The following CDKAL1 variants were observed in gnomAD, a reference collection of about 807,000 sequenced individuals.
CDKAL1 encodes CDKAL1 threonylcarbamoyladenosine tRNA methylthiotransferase, also known as threonylcarbamoyladenosine tRNA methylthiotransferase.
A neutral mutation model predicts 68.2 loss-of-function variants in CDKAL1; 32 were observed. That is an observed-to-expected ratio of 0.47 (90% confidence interval 0.35 to 0.63). The LOEUF is 0.63. Among genes scored for constraint, CDKAL1 ranks in the 30% least tolerant of loss-of-function variants. The probability of loss-of-function intolerance (pLI) is 0.00; values close to 1 mark genes in which losing one functional copy is unlikely to be tolerated. For synonymous variants in CDKAL1, 234 were observed against 244.3 expected, an observed-to-expected ratio of 0.96 and a Z score of 0.39; for missense variants, 606 against 696.7, an observed-to-expected ratio of 0.87 and a Z score of 1.47.
intron 4 of CDKAL1, among the ~76,000 whole-genome samples, chr6:20,621,515 C>G (rs1767189474): frequency 6.6e-6 from 1 of 152,004 alleles, no homozygotes; most frequent in Admixed American, 6.6e-5. Context: ...TGTGCTCCCC[C>G]TTTTTTAGAG....
chr6:21,228,748 T>G (rs1779846549), intron 15 of CDKAL1, among the ~76,000 whole-genome samples: 1 of 152,188 alleles, frequency 6.6e-6, no homozygotes, highest in Non-Finnish European at 1.5e-5. Context: ...ATAGTTCCTA[T>G]CAATCAATTC....
chr6:20,715,156 G>C (rs1223443797), intron 5 of CDKAL1, among the ~76,000 whole-genome samples: 2 of 152,006 alleles, frequency 1.3e-5, no homozygotes, highest in African/African-American at 2.4e-5. Flanking sequence ...CTTTCAACTT[G>C]TTCATCCTGT....
intron 9 of CDKAL1, among the ~76,000 whole-genome samples, chr6:20,933,009 T>G (rs748984954): frequency 4.3e-4 from 66 of 152,250 alleles, no homozygotes; most frequent in Non-Finnish European, 7.6e-4. Flanking sequence ...AGACATTGAG[T>G]TAATCAATGA....
chr6:21,032,676 T>C (rs1344445540), intron 11 of CDKAL1, among the ~76,000 whole-genome samples: 3 of 152,164 alleles, frequency 2.0e-5, no homozygotes, highest in South Asian at 2.1e-4. Context: ...ATACTTACCA[T>C]TGCATTTCAG....
chr6:20,556,632 G>A (rs940993773), intron 4 of CDKAL1, among the ~76,000 whole-genome samples: 2 of 152,072 alleles, frequency 1.3e-5, no homozygotes, highest in Admixed American at 6.5e-5. Flanking sequence ...CATTTATATA[G>A]TGTCTTACAG....
chr6:20,698,935 C>G (rs529454849), intron 5 of CDKAL1, among the ~76,000 whole-genome samples: 4 of 152,202 alleles, frequency 2.6e-5, no homozygotes, highest in African/African-American at 9.6e-5. Context: ...TGATACAAAT[C>G]AGACCAATGA....
intron 5 of CDKAL1, among the ~76,000 whole-genome samples, chr6:20,700,712 A>C (rs531001483): frequency 1.4e-4 from 21 of 152,290 alleles, no homozygotes; most frequent in African/African-American, 4.6e-4. Context: ...CCAAAAAGGG[A>C]GTAACATACA....
chr6:21,086,518 A>G (rs994039478), intron 12 of CDKAL1, among the ~76,000 whole-genome samples: 1 of 152,204 alleles, frequency 6.6e-6, no homozygotes, highest in African/African-American at 2.4e-5. Flanking sequence ...GCCAGCGCCT[A>G]GGTGGGTGAA....
intron 11 of CDKAL1, among the ~76,000 whole-genome samples, chr6:21,050,414 C>T (rs550112598): frequency 1.3e-5 from 2 of 152,240 alleles, no homozygotes; most frequent in East Asian, 1.9e-4. Context: ...TCTTGTACTG[C>T]GCCCAAGAAG....
At chr6:20,823,434 A>G (rs1200940023) in intron 8 of CDKAL1, among the ~76,000 whole-genome samples, 1 of 152,184 alleles carries the variant, frequency 6.6e-6, no homozygotes, top group Non-Finnish European at 1.5e-5. Context: ...ATGCATTTTA[A>G]TATTTGCTAA....
At chr6:20,584,573 G>T (rs889084608) in intron 4 of CDKAL1, among the ~76,000 whole-genome samples, 1 of 152,214 alleles carries the variant, frequency 6.6e-6, no homozygotes, top group African/African-American at 2.4e-5. Flanking sequence ...AATGCTGAGT[G>T]TTCACAATTG....
chr6:20,871,111 A>G (rs1330656624), intron 9 of CDKAL1, among the ~76,000 whole-genome samples: 1 of 152,188 alleles, frequency 6.6e-6, no homozygotes, highest in Non-Finnish European at 1.5e-5. Flanking sequence ...GCATTAACCA[A>G]TTAGGAGAAG....
rs115598415 is a variant in CDKAL1 at position 20,553,760 on chromosome 6, G to A, written c.286+5055G>A. On this transcript the variant is annotated intron_variant, in intron 4 of 15. Coordinates refer to ENST00000274695, the MANE Select transcript of CDKAL1 (RefSeq NM_017774.3). Reference sequence around the variant, plus strand: ...GGAGTAGCTGGGATTACCGGTGTGCGATACCATGCCTGACTGATTCTTGTA... The same window carrying A: ...GGAGTAGCTGGGATTACCGGTGTGCAATACCATGCCTGACTGATTCTTGTA... Among the ~76,000 whole-genome samples, 555 of 152,240 alleles carry A rather than the reference G, an allele frequency of 3.6e-3. 5 individuals are homozygous for A. Among genetic ancestry groups the A allele is most frequent in the African/African-American group, 0.013 (532 of 41,556 alleles).
chr6:21,199,331 C>A (rs1432545129), intron 14 of CDKAL1, among the ~76,000 whole-genome samples: 2 of 152,206 alleles, frequency 1.3e-5, no homozygotes, highest in East Asian at 3.8e-4. Flanking sequence ...ACTAAACGTG[C>A]TCTGTTCAGT....
chr6:21,098,270 T>G (rs901224729), intron 12 of CDKAL1, among the ~76,000 whole-genome samples: 2 of 152,194 alleles, frequency 1.3e-5, no homozygotes, highest in African/African-American at 4.8e-5. Context: ...TACAGAGGAA[T>G]GACCAAGTAG....
chr6:21,094,494 C>T (rs1258911782), intron 12 of CDKAL1, among the ~76,000 whole-genome samples: 5 of 151,976 alleles, frequency 3.3e-5, no homozygotes, highest in South Asian at 2.1e-4. Flanking sequence ...AAACAACATA[C>T]ACAAAAATAG....
At chr6:20,752,416 C>G (rs1451281100) in intron 6 of CDKAL1, among the ~76,000 whole-genome samples, 3 of 152,084 alleles carry the variant, frequency 2.0e-5, no homozygotes, top group Non-Finnish European at 4.4e-5. Flanking sequence ...TATATACATT[C>G]AAGCAAATTC....
At chr6:21,158,355 A>C (rs939945381) in intron 13 of CDKAL1, among the ~76,000 whole-genome samples, 1 of 152,214 alleles carries the variant, frequency 6.6e-6, no homozygotes, top group African/African-American at 2.4e-5. Context: ...TGTTTATTAC[A>C]GTCAATTTTG....
At chr6:20,836,133 T>C (rs1409522957) in intron 8 of CDKAL1, among the ~76,000 whole-genome samples, 1 of 152,118 alleles carries the variant, frequency 6.6e-6, no homozygotes, top group African/African-American at 2.4e-5. Context: ...ACACCTGCAC[T>C]TTTCGATAGT....
Sources: allele counts gnomAD v4.1 joint callset (sites outside exome capture counted in the v4.1 genomes callset), GRCh38; gene constraint gnomAD v4.1.1; transcripts MANE v1.5; gene names NCBI Gene and HGNC (gene_info 2026-07-23, HGNC 2026-07-21).